Variants in ROBO2 observed in about 807,000 individuals in gnomAD.
ROBO2 encodes the protein roundabout guidance receptor 2, also known as roundabout homolog 2.
ROBO2 carries 53 observed loss-of-function variants against 160.8 expected under a neutral mutation model. The ratio of observed to expected loss-of-function variants is 0.33; its 90% CI spans 0.26 to 0.41. The LOEUF (loss-of-function observed/expected upper bound fraction) is 0.41. Among genes scored for constraint, ROBO2 ranks in the 10% least tolerant of loss-of-function variants. ROBO2 has a pLI of 1.00. For synonymous variants in ROBO2, 664 were observed against 611.7 expected (o/e 1.09, Z -1.26); for missense variants, 1,577 against 1,722.4 (o/e 0.92, Z 1.49).
At chr3:76,525,465 C>G (rs770431165) in intron 2 of ROBO2, among the ~76,000 whole-genome samples, 4 of 151,994 alleles carry the variant, frequency 2.6e-5, no homozygotes. Context: ...AAGGCAAGAA[C>G]GTAAGCATTG....
intron 2 of ROBO2, among the ~76,000 whole-genome samples, chr3:76,391,419 T>C (rs9825745): frequency 0.021 from 3,274 of 152,286 alleles, 118 homozygotes; most frequent in African/African-American, 0.074. Flanking sequence ...TTATTTAAAA[T>C]AGTAATAAAG....
chr3:77,581,819 G>T (rs760460039), intron 16 of ROBO2, among the ~76,000 whole-genome samples: 1 of 151,888 alleles, frequency 6.6e-6, no homozygotes, highest in Non-Finnish European at 1.5e-5. Flanking sequence ...TTCTATTTGC[G>T]CTCTTAATTA....
intron 2 of ROBO2, among the ~76,000 whole-genome samples, chr3:76,267,217 C>T (rs1399286340): frequency 6.6e-6 from 1 of 152,102 alleles, no homozygotes; most frequent in East Asian, 1.9e-4. Flanking sequence ...TCTCTTTGTC[C>T]ATATATTCAA....
chr3:77,013,043 A>G lies in ROBO2; in HGVS notation c.110-84971A>G, dbSNP rs192512310. 2.2e-4 allele frequency among the ~76,000 whole-genome samples: 34 copies of G among 152,266 alleles called. No individual in the cohort carries two copies. In the East Asian group the frequency reaches 6.0e-3, roughly 27 times the overall value. On this transcript the variant is annotated intron_variant, in intron 2 of 26. Transcript: ENST00000487694. ...TGTGGGGGAGGAAGTGTTTCTAAGTATGAATTAGAAAATATGGTTGACTCA... is the reference window on the plus strand; with the variant it reads ...TGTGGGGGAGGAAGTGTTTCTAAGTGTGAATTAGAAAATATGGTTGACTCA...
At chr3:76,822,747 A>C (rs1222293214) in intron 2 of ROBO2, among the ~76,000 whole-genome samples, 2 of 151,854 alleles carry the variant, frequency 1.3e-5, no homozygotes, top group Admixed American at 6.6e-5. Flanking sequence ...AAATGTGGGC[A>C]AAAAGGGGAA....
At chr3:76,226,015 A>C (rs1029863488) in intron 2 of ROBO2, among the ~76,000 whole-genome samples, 2 of 152,150 alleles carry the variant, frequency 1.3e-5, no homozygotes, top group African/African-American at 4.8e-5. Context: ...GTTTGTCCAA[A>C]ATAACAGTGC....
intron 6 of ROBO2, among the ~76,000 whole-genome samples, chr3:77,543,092 A>G (rs565646581): frequency 6.6e-6 from 1 of 152,220 alleles, no homozygotes; most frequent in African/African-American, 2.4e-5. Flanking sequence ...CTCTTCGCCT[A>G]GTCAGCTCTT....
chr3:77,320,010 A>G (rs1452327153), intron 2 of ROBO2, among the ~76,000 whole-genome samples: 1 of 152,224 alleles, frequency 6.6e-6, no homozygotes, highest in Non-Finnish European at 1.5e-5. Flanking sequence ...GAACAATTCG[A>G]AATTTATCAC....
intron 2 of ROBO2, among the ~76,000 whole-genome samples, chr3:75,944,543 A>G (rs542124930): frequency 7.2e-5 from 11 of 152,224 alleles, no homozygotes; most frequent in African/African-American, 2.6e-4. Context: ...CCTTTCCATT[A>G]TAAAGGCTGT....
chr3:77,565,703 C>T (rs745322180), intron 12 of ROBO2, among the ~76,000 whole-genome samples: 1 of 152,020 alleles, frequency 6.6e-6, no homozygotes, highest in Non-Finnish European at 1.5e-5. Flanking sequence ...CAGTGAATTT[C>T]GTTAAATCAG....
rs76902286 is a variant in ROBO2 at position 77,426,273 on chromosome 3, G to A, written c.389-51141G>A. 9.8e-3 allele frequency among the ~76,000 whole-genome samples: 1,486 copies of A among 152,168 alleles called. 25 individuals are homozygous for A. Among genetic ancestry groups the A allele is most frequent in the African/African-American group, 0.032 (1,319 of 41,504 alleles). On this transcript the variant is annotated intron_variant, in intron 2 of 25. Coordinates refer to ENST00000461745, the Ensembl canonical transcript of ROBO2. ...TGATGTGTGGGAAAGACTGATCAAG[G>A]AGAATCGATGGGTTTCTAACTTGAA...
At chr3:77,641,262 A>G (rs2095346820) in intron 24 of ROBO2, among the ~76,000 whole-genome samples, 1 of 152,208 alleles carries the variant, frequency 6.6e-6, no homozygotes, top group African/African-American at 2.4e-5. Context: ...AGCAATTCAT[A>G]ATTTAACATG....
intron 2 of ROBO2, among the ~76,000 whole-genome samples, chr3:77,310,178 A>G (rs1036644609): frequency 3.3e-5 from 5 of 152,162 alleles, no homozygotes; most frequent in African/African-American, 1.2e-4. Context: ...TTATGTACAC[A>G]TAAACTCAAA....
intron 6 of ROBO2, among the ~76,000 whole-genome samples, chr3:77,526,185 A>G (rs1228695194): frequency 3.3e-5 from 5 of 151,506 alleles, no homozygotes; most frequent in Non-Finnish European, 7.4e-5. Context: ...CTTATTGCCT[A>G]TGGTCTGAAG....
At chr3:76,548,234 A>G (rs1487023644) in intron 2 of ROBO2, among the ~76,000 whole-genome samples, 1 of 152,172 alleles carries the variant, frequency 6.6e-6, no homozygotes, top group Non-Finnish European at 1.5e-5. Context: ...CATTCAACAA[A>G]CAGTCATTGA....
chr3:77,161,697 CTTTA>C (rs2078501986), intron 2 of ROBO2, among the ~76,000 whole-genome samples: 1 of 151,954 alleles, frequency 6.6e-6, no homozygotes, highest in Admixed American at 6.6e-5. Context: ...AGTAAGTTAG[CTTTA>C]TTTATTCCCA....
chr3:77,589,221 AACAC>A (rs3073102), intron 17 of ROBO2, among the ~76,000 whole-genome samples: 9 of 151,404 alleles, frequency 5.9e-5, no homozygotes, highest in African/African-American at 1.9e-4. Context: ...CATAAACTCA[AACAC>A]ACACACACAC....
chr3:76,582,321 G>C (rs1214402087), intron 2 of ROBO2, among the ~76,000 whole-genome samples: 6 of 152,074 alleles, frequency 3.9e-5, no homozygotes, highest in Non-Finnish European at 4.4e-5. Flanking sequence ...TGTTTAGCCT[G>C]CTAGTAATAT....
chr3:76,828,498 G>A (rs1293770779), intron 2 of ROBO2, among the ~76,000 whole-genome samples: 1 of 152,070 alleles, frequency 6.6e-6, no homozygotes, highest in African/African-American at 2.4e-5. Context: ...GAGAGTGAAT[G>A]CTCTGTAAAA....
Sources: allele counts gnomAD v4.1 joint callset (sites outside exome capture counted in the v4.1 genomes callset), GRCh38; gene constraint gnomAD v4.1.1; transcripts MANE v1.5; gene names NCBI Gene and HGNC (gene_info 2026-07-23, HGNC 2026-07-21).